The following LPA variants were observed in gnomAD, a reference collection of about 807,000 sequenced individuals.
The protein encoded by LPA is lipoprotein(a).
In LPA, 199 loss-of-function variants were observed where a neutral mutation model predicts 197.9. The observed-to-expected ratio is 1.01, with a 90% CI of 0.90 to 1.13. LPA has a LOEUF of 1.13. Ranked by LOEUF, LPA falls within the 50% of genes most tolerant of loss-of-function variation. LPA has a pLI of 0.00. For synonymous variants in LPA, 715 were observed against 639.5 expected (o/e 1.12, Z -1.78); for missense variants, 1,853 against 1,785.8 (o/e 1.04, Z -0.68).
chr6:160,595,006 G>A (rs1197801006), intron 21 of LPA, among the ~76,000 whole-genome samples: 1 of 152,200 alleles, frequency 6.6e-6, no homozygotes, highest in Non-Finnish European at 1.5e-5. Flanking sequence ...GAAATACCAT[G>A]AAAGGCTTAT....
intron 28 of LPA, among the ~76,000 whole-genome samples, chr6:160,561,952 C>CT (rs1191086244): frequency 6.6e-5 from 10 of 152,180 alleles, no homozygotes; most frequent in African/African-American, 2.4e-4. Flanking sequence ...TGCTTATCAG[C>CT]TTAAGGAGAT....
rs1353825343 is a variant in LPA, at chr6:160,556,162, C to A, written c.4836G>T (p.Val1612=). 1.2e-6 allele frequency: 2 copies of A among 1,613,824 alleles called. No homozygotes were observed. The highest frequency in any genetic ancestry group is 1.7e-6 in the Non-Finnish European group (2 of 1,179,934). Residue 1612 remains valine, a synonymous_variant, in exon 30 of 39, where the codon GTG becomes GTT. Coordinates refer to ENST00000316300, the MANE Select transcript of LPA (RefSeq NM_005577.4). ...SEAAPTEQTP[V]VRQCYHGNGQ... Reference sequence around the variant, plus strand: ...CATTACCATGGTAGCACTGCCGGACCACAGGGGTTTGCTCAGTTGGTGCTG... The same window carrying A: ...CATTACCATGGTAGCACTGCCGGACAACAGGGGTTTGCTCAGTTGGTGCTG...
At chr6:160,659,144 TG>T (rs1403699721) in intron 1 of LPA, among the ~76,000 whole-genome samples, 1 of 152,132 alleles carries the variant, frequency 6.6e-6, no homozygotes, top group Non-Finnish European at 1.5e-5. Context: ...AGATGTAGGC[TG>T]GGAGGCTAAG....
intron 28 of LPA, among the ~76,000 whole-genome samples, chr6:160,568,918 C>T (rs1433673107): frequency 6.6e-6 from 1 of 152,164 alleles, no homozygotes; most frequent in African/African-American, 2.4e-5. Context: ...AGGAATCCAA[C>T]TTACAAGGGA....
At chr6:160,656,594 T>C (rs985478956) in intron 1 of LPA, among the ~76,000 whole-genome samples, 6 of 152,218 alleles carry the variant, frequency 3.9e-5, no homozygotes, top group Admixed American at 1.3e-4. Flanking sequence ...CAGTACTTTC[T>C]GAAATGTCTC....
chr6:160,596,667 A>C (rs1210617569), intron 20 of LPA, among the ~76,000 whole-genome samples: 2 of 152,220 alleles, frequency 1.3e-5, no homozygotes, highest in African/African-American at 4.8e-5. Flanking sequence ...AAAAAGGGCC[A>C]ATAGCATCTT....
intron 30 of LPA, among the ~76,000 whole-genome samples, chr6:160,551,130 G>A (rs1315327516): frequency 6.6e-6 from 1 of 152,204 alleles, no homozygotes; most frequent in Non-Finnish European, 1.5e-5. Flanking sequence ...GATTTCAAAA[G>A]TGGTTGTATC....
intron 30 of LPA, among the ~76,000 whole-genome samples, chr6:160,550,500 T>C (rs1397131237): frequency 1.3e-5 from 2 of 152,214 alleles, no homozygotes; most frequent in Non-Finnish European, 2.9e-5. Context: ...AAGTATAGTA[T>C]ATGAGGGAGG....
intron 28 of LPA, among the ~76,000 whole-genome samples, chr6:160,566,747 A>G (rs1341881039): frequency 2.0e-5 from 3 of 152,212 alleles, no homozygotes; most frequent in African/African-American, 7.2e-5. Context: ...CTGAAGACAC[A>G]TCTCACGTGC....
chr6:160,560,977 T>C (rs1388211921), intron 28 of LPA, among the ~76,000 whole-genome samples: 1 of 152,156 alleles, frequency 6.6e-6, no homozygotes, highest in Non-Finnish European at 1.5e-5. Flanking sequence ...TGGCACAATC[T>C]TGGCTTGCTG....
chr6:160,532,672 A>T (rs772497912), intron 37 of LPA, 23 bp from the exon 38 acceptor site: 32 of 1,481,460 alleles, frequency 2.2e-5, no homozygotes, highest in Non-Finnish European at 2.9e-5. Flanking sequence ...AGATGAAAGA[A>T]ATGGTTACTG....
In LPA at chr6:160,611,277, G is replaced by T. The variant is rs1197405137; in HGVS notation, c.2603+285C>A. Among the ~76,000 whole-genome samples, 5 of 152,082 alleles carry T rather than the reference G, an allele frequency of 3.3e-5. No homozygotes were observed. In the South Asian group the frequency reaches 1.0e-3, roughly 32 times the overall value. ...TTGACGCTTAGTGGGTGTTGGGCAAGGGTAATCTAAGTGTTTGGTGGTTCG... is the reference window on the plus strand; with the variant it reads ...TTGACGCTTAGTGGGTGTTGGGCAATGGTAATCTAAGTGTTTGGTGGTTCG... On this transcript the variant is annotated intron_variant, in intron 16 of 38. Transcript: ENST00000316300.
chr6:160,581,983 T>C (rs1213812994), intron 26 of LPA, among the ~76,000 whole-genome samples: 1 of 152,154 alleles, frequency 6.6e-6, no homozygotes, highest in African/African-American at 2.4e-5. Context: ...CCAATTCCCA[T>C]ATGGTATTAT....
At position 160,572,106 on chromosome 6, in the gene LPA, C is replaced by T. The variant is rs113305865; in HGVS notation, c.4631+5030G>A. On this transcript the variant is annotated intron_variant, in intron 28 of 38. Coordinates refer to ENST00000316300, the MANE Select transcript of LPA (RefSeq NM_005577.4). ...CTGGTCTTCACGGCACAGTCCCTCA[C>T]GGCTTCCTTTGGCTAGGGGAGGGAG... Among the ~76,000 whole-genome samples the T allele has an allele frequency of 7.2e-4, 109 of 152,314 alleles. 3 individuals carry two copies. The highest frequency in any genetic ancestry group is 2.3e-3 in the African/African-American group (96 of 41,574).
intron 30 of LPA, among the ~76,000 whole-genome samples, chr6:160,555,091 T>C (rs2115009760): frequency 6.6e-6 from 1 of 152,124 alleles, no homozygotes; most frequent in Non-Finnish European, 1.5e-5. Context: ...TTTTTGTCCA[T>C]GTACCTGCCC....
At position 160,548,462 on chromosome 6, in the gene LPA, GAC is replaced by G. The variant is rs1210034587; in HGVS notation, c.5155+14_5155+15del. 6.2e-7 allele frequency: 1 copy of G among 1,613,290 alleles called. No homozygotes were observed. The highest frequency in any genetic ancestry group is 8.5e-7 in the Non-Finnish European group (1 of 1,179,696). ...GAGAGGTATGTGCTAGACAAGGTAA[GAC>G]ACAGACTTCTTACCTTGTTCAGAAG... On this transcript the variant is annotated intron_variant, in intron 31 of 38. Transcript: ENST00000316300.
chr6:160,656,166 G>A (rs1484535788), intron 1 of LPA, among the ~76,000 whole-genome samples: 1 of 152,212 alleles, frequency 6.6e-6, no homozygotes, highest in East Asian at 1.9e-4. Context: ...AAATGGGAGA[G>A]TTGAACAGGG....
intron 28 of LPA, among the ~76,000 whole-genome samples, chr6:160,576,394 A>ATATACACATATATATATATATATATGTG (rs1778672725): frequency 3.7e-5 from 2 of 53,778 alleles, no homozygotes; most frequent in Admixed American, 3.1e-4. Flanking sequence ...ATATATGTAT[A>ATATACACATATATATATATATATATGTG]TATATATATA....
intron 16 of LPA, among the ~76,000 whole-genome samples, chr6:160,607,883 T>G (rs1779392746): frequency 6.6e-6 from 1 of 152,146 alleles, no homozygotes; most frequent in African/African-American, 2.4e-5. Context: ...GTTCAAAACT[T>G]TGTGATTGCT....
Sources: allele counts gnomAD v4.1 joint callset (sites outside exome capture counted in the v4.1 genomes callset), GRCh38; gene constraint gnomAD v4.1.1; transcripts MANE v1.5; gene names NCBI Gene and HGNC (gene_info 2026-07-23, HGNC 2026-07-21).